TNFRSF1A: variants seen among roughly 807,000 people sequenced by gnomAD.
TNFRSF1A encodes the protein TNF receptor superfamily member 1A, also known as tumor necrosis factor receptor superfamily member 1A.
Under a neutral mutation model 41.6 loss-of-function variants are expected in TNFRSF1A, and 9 were observed. That is an observed-to-expected ratio of 0.22 (90% CI 0.13 to 0.38). The LOEUF is 0.38. Among genes scored for constraint, TNFRSF1A ranks in the 10% least tolerant of loss-of-function variants. The probability of loss-of-function intolerance (pLI) is 1.00; values close to 1 mark genes in which losing one functional copy is unlikely to be tolerated. For missense variants in TNFRSF1A, 463 were observed against 591.5 expected (o/e 0.78, Z 2.25); for synonymous variants, 254 against 248.6 (o/e 1.02, Z -0.21).
At chr12:6,339,050 C>T (rs986358231) in intron 1 of TNFRSF1A, among the ~76,000 whole-genome samples, 29 of 152,188 alleles carry the variant, frequency 1.9e-4, no homozygotes, top group African/African-American at 6.8e-4. Context: ...ACTCTTCCTC[C>T]ATCCTCTCCC....
In TNFRSF1A at chr12:6,337,722, T is replaced by C. The variant is rs987288044; in HGVS notation, c.40-3478A>G. On this transcript the variant is annotated intron_variant, in intron 1 of 9. Transcript: ENST00000162749. The surrounding 1 kb of genome is among the most constrained non-coding windows in gnomAD (Gnocchi z 4.6). Reference sequence around the variant, plus strand: ...CTTATCATAATATGGTTATGTTGGGTGACAGATATGATCTCCCCAAAGTGA... The same window carrying C: ...CTTATCATAATATGGTTATGTTGGGCGACAGATATGATCTCCCCAAAGTGA... Among the ~76,000 whole-genome samples, 1 of 152,264 alleles carries C rather than the reference T, an allele frequency of 6.6e-6. No individual in the cohort carries two copies.
At chr12:6,339,816 T>TTC (rs71450139) in intron 1 of TNFRSF1A, among the ~76,000 whole-genome samples, 1,491 of 139,244 alleles carry the variant, frequency 0.011, 14 homozygotes, top group East Asian at 0.029. Context: ...CCTACCCCAC[T>TTC]TCTCTCTCTC....
At position 6,329,780 on chromosome 12, in the gene TNFRSF1A, T is replaced by C. The variant is rs1948012383; in HGVS notation, c.1055A>G (p.Asp352Gly). ...CTCCAGCCGCGGGAGAAACTCACTG[T>C]CTAGGCTCTGTGGCTTGTGGGCGCT... ...EDSAHKPQSL[D>G]TDDPATLYAV... The change falls in exon 9 of 10, where the codon GAC becomes GGC. Residue 352 changes from aspartate to glycine, a missense_variant and splice_region_variant. Asp to Gly is a moderately conservative substitution (Grantham distance 94). Coordinates refer to ENST00000162749, the MANE Select transcript of TNFRSF1A (RefSeq NM_001065.4). 1.9e-6 allele frequency: 3 copies of C among 1,604,106 alleles called. No homozygotes were observed. The highest frequency in any genetic ancestry group is 8.5e-7 in the Non-Finnish European group (1 of 1,176,488).
In TNFRSF1A at chr12:6,333,008, C is replaced by A. The variant is rs2136821079; in HGVS notation, c.551+61G>T. The A allele has an allele frequency of 6.7e-7, 1 of 1,501,382 alleles. No homozygotes were observed. Among genetic ancestry groups the A allele is most frequent in the East Asian group, 2.3e-5 (1 of 44,382 alleles). 93.0% of individuals were successfully genotyped at this position (1,501,382 alleles called of 1,614,324 possible). ...TCTGTTGCCCAGCTAATGGTTCCCA[C>A]CAGTCACCCGTCCCAACCCATGCCA... is the stretch of plus-strand genomic sequence containing the variant. On this transcript the variant is annotated intron_variant, in intron 5 of 9. Transcript: ENST00000162749. The surrounding 1 kb of genome is among the most constrained non-coding windows in gnomAD (Gnocchi z 6.3).
In TNFRSF1A at chr12:6,336,061, G is replaced by T. The variant is rs1166525589; in HGVS notation, c.40-1817C>A. ...AAGAACTTCCCAGTCCTGAAAGTGT[G>T]GTTCCTTTCCCCGAAGAAGCCACTG... On this transcript the variant is annotated intron_variant, in intron 1 of 9. Coordinates refer to ENST00000162749, the MANE Select transcript of TNFRSF1A (RefSeq NM_001065.4). Among the ~76,000 whole-genome samples the T allele has an allele frequency of 2.0e-5, 3 of 152,198 alleles. No homozygotes were observed. In the East Asian group the frequency reaches 5.8e-4, roughly 29 times the overall value.
At chr12:6,331,368 G>C (rs1253855655) in intron 5 of TNFRSF1A, 4 of 266,118 alleles carry the variant, frequency 1.5e-5, no homozygotes, top group African/African-American at 8.9e-5. Flanking sequence ...TCACTGTTTT[G>C]CTGATAAGAA....
Position 6,337,744 on chromosome 12 carries a change from G to A in TNFRSF1A, c.40-3500C>T, listed in dbSNP as rs761720816. On this transcript the variant is annotated intron_variant, in intron 1 of 9. Coordinates refer to ENST00000162749, the MANE Select transcript of TNFRSF1A (RefSeq NM_001065.4). This position sits in a 1 kb window ranked among gnomAD's most constrained non-coding sequence, Gnocchi z 4.6. Reference sequence around the variant, plus strand: ...GGGTGACAGATATGATCTCCCCAAAGTGACCACGAACCTTATAAGATGAGA... The same window carrying A: ...GGGTGACAGATATGATCTCCCCAAAATGACCACGAACCTTATAAGATGAGA... Among the ~76,000 whole-genome samples, 46 of 151,720 alleles carry A rather than the reference G, an allele frequency of 3.0e-4. No homozygotes were observed. Among genetic ancestry groups the A allele is most frequent in the Non-Finnish European group, 4.6e-4 (31 of 68,016 alleles).
In TNFRSF1A at chr12:6,337,170, G is replaced by A. The variant is rs1948132171; in HGVS notation, c.40-2926C>T. ...CAGGGCCCTCAGACTCCCCACCACTGGGCACCACTGCTGGCACCAGCTGGC... is the reference window on the plus strand; with the variant it reads ...CAGGGCCCTCAGACTCCCCACCACTAGGCACCACTGCTGGCACCAGCTGGC... On this transcript the variant is annotated intron_variant, in intron 1 of 9. Coordinates refer to ENST00000162749, the MANE Select transcript of TNFRSF1A (RefSeq NM_001065.4). The surrounding 1 kb of genome is among the most constrained non-coding windows in gnomAD (Gnocchi z 4.6). Among the ~76,000 whole-genome samples, 3 of 152,168 alleles carry A rather than the reference G, an allele frequency of 2.0e-5. No individual in the cohort carries two copies. The South Asian group carries it at 6.2e-4, about 32-fold the overall frequency.
Position 6,341,731 on chromosome 12 carries a change from G to T in TNFRSF1A, c.39+45C>A, listed in dbSNP as rs764276130. ...GGAGAGGGCCCACGCCAGCCGGAAG[G>T]TGCCTCGCCCACCAGCCCACTCTTC... On this transcript the variant is annotated intron_variant, in intron 1 of 9. Transcript: ENST00000162749. This position sits in a 1 kb window ranked among gnomAD's most constrained non-coding sequence, Gnocchi z 4.6. 5.6e-6 allele frequency: 9 copies of T among 1,611,890 alleles called. No individual in the cohort carries two copies. The South Asian group carries it at 6.6e-5, about 12-fold the overall frequency.
In TNFRSF1A at chr12:6,329,115, C is replaced by G. The variant is rs199644494; in HGVS notation, c.*197G>C. On this transcript the variant is annotated 3_prime_UTR_variant, in exon 10 of 10. Coordinates refer to ENST00000162749, the MANE Select transcript of TNFRSF1A (RefSeq NM_001065.4). ...TCAGGCTCTTGAGCCCACGGCGCAC[C>G]TCTCTCCGCGCGCACAGCGCTGACT... The G allele has an allele frequency of 6.1e-6, 3 of 490,300 alleles. No individual in the cohort carries two copies. The highest frequency in any genetic ancestry group is 2.0e-5 in the African/African-American group (1 of 49,894). The allele number at this position is 490,300 out of a possible 1,614,324, so 30.4% of individuals were successfully genotyped here.
chr12:6,336,637 T>C (rs1278922740), intron 1 of TNFRSF1A, among the ~76,000 whole-genome samples: 3 of 151,800 alleles, frequency 2.0e-5, no homozygotes, highest in Non-Finnish European at 4.4e-5. Flanking sequence ...GAAGTCTCCC[T>C]CGACCCTGGC....
intron 1 of TNFRSF1A, among the ~76,000 whole-genome samples, chr12:6,336,759 A>G (rs1349152438): frequency 6.6e-6 from 1 of 152,128 alleles, no homozygotes; most frequent in Non-Finnish European, 1.5e-5. Context: ...CAGTTCAACA[A>G]GTCTCCAACA....
At chr12:6,329,703 C>T (rs1226230412) in intron 9 of TNFRSF1A, 75 bp downstream of exon 9, 1 of 1,534,612 alleles carries the variant, frequency 6.5e-7, no homozygotes, top group African/African-American at 1.4e-5. Flanking sequence ...CTCTCGTGGT[C>T]CCCTCTGGGA....
chr12:6,331,434 GT>G (rs1447195575), intron 5 of TNFRSF1A: 4 of 222,104 alleles, frequency 1.8e-5, no homozygotes, highest in Non-Finnish European at 3.7e-5. Flanking sequence ...GCTAGTTACA[GT>G]ACCTGACTTC....
At chr12:6,329,722 C>A in intron 9 of TNFRSF1A, 56 bp downstream of exon 9, 1 of 1,550,816 alleles carries the variant, frequency 6.4e-7, no homozygotes, top group Non-Finnish European at 8.7e-7. Flanking sequence ...GAGCGCCTCC[C>A]GCGCTCCCCC....
At chr12:6,332,457 A>AAAAAGG (rs1364901075) in intron 5 of TNFRSF1A, among the ~76,000 whole-genome samples, 2 of 131,160 alleles carry the variant, frequency 1.5e-5, no homozygotes, top group Non-Finnish European at 1.6e-5. Flanking sequence ...AAAAAAAAAC[A>AAAAAGG]CCAAAAGAAA....
In TNFRSF1A at chr12:6,341,279, C is replaced by T. The variant is rs1185568160; in HGVS notation, c.39+497G>A. 1.3e-5 allele frequency among the ~76,000 whole-genome samples: 2 copies of T among 152,120 alleles called. No individual in the cohort carries two copies. The highest frequency in any genetic ancestry group is 6.6e-5 in the Admixed American group (1 of 15,266). ...CAACTCACTCCCCCACTTCACCAGC[C>T]GCCAAAATCCTGCCCTACAGGGTGT... On this transcript the variant is annotated intron_variant, in intron 1 of 9. Transcript: ENST00000162749. The surrounding 1 kb of genome is among the most constrained non-coding windows in gnomAD (Gnocchi z 4.6).
At position 6,329,622 on chromosome 12, in the gene TNFRSF1A, G is replaced by C; in HGVS notation, c.1058C>G (p.Thr353Ser). Residue 353 changes from threonine (T) to serine (S), a missense_variant and splice_region_variant, in exon 10 of 10, where the codon ACT becomes AGT. By Grantham distance (58) the Thr-to-Ser change is moderately conservative. Transcript: ENST00000162749. The part of the protein sequence containing the change: ...DSAHKPQSLD[T>S]DDPATLYAVV... Reference sequence around the variant, plus strand: ...GGCGTACAGCGTCGCGGGGTCATCAGCTGCGGGGACGCGGGCCGGTGAGCC... The same window carrying C: ...GGCGTACAGCGTCGCGGGGTCATCACCTGCGGGGACGCGGGCCGGTGAGCC... 6.3e-7 allele frequency: 1 copy of C among 1,593,382 alleles called. No homozygotes were observed. Among genetic ancestry groups the C allele is most frequent in the Non-Finnish European group, 8.5e-7 (1 of 1,173,870 alleles).
At position 6,333,917 on chromosome 12, in the gene TNFRSF1A, C is replaced by A; in HGVS notation, c.194-52G>T. On this transcript the variant is annotated intron_variant, in intron 2 of 9. Coordinates refer to ENST00000162749, the MANE Select transcript of TNFRSF1A (RefSeq NM_001065.4). The surrounding 1 kb of genome is among the most constrained non-coding windows in gnomAD (Gnocchi z 6.3). ...TGCGGGTGAGAACACAAGGAAGGAG[C>A]CCCATGCTAGGGACAACAGCCAGGG... 6.2e-7 allele frequency: 1 copy of A among 1,601,682 alleles called. No individual in the cohort carries two copies. The highest frequency in any genetic ancestry group is 1.3e-5 in the African/African-American group (1 of 74,796).
Sources: gnomAD v4.1 joint callset for allele counts (sites outside exome capture counted in the v4.1 genomes callset) on GRCh38, gnomAD v4.1.1 for gene constraint, Gnocchi (gnomAD v3.1) non-coding constraint, MANE v1.5 for transcripts, NCBI Gene and HGNC (gene_info 2026-07-23, HGNC 2026-07-21) for gene names.